Variants in KMT2B observed in about 807,000 individuals in gnomAD.
KMT2B encodes histone-lysine N-methyltransferase 2B.
KMT2B carries 22 observed loss-of-function variants against 255.3 expected under a neutral mutation model. The observed-to-expected ratio is 0.09, with a 90% confidence interval of 0.06 to 0.12. The LOEUF (loss-of-function observed/expected upper bound fraction) is 0.12, where lower values mean the gene tolerates loss of function less well. KMT2B is among the 10% of genes least tolerant of loss of function. The probability of loss-of-function intolerance (pLI) is 1.00; values close to 1 mark genes in which losing one functional copy is unlikely to be tolerated. For missense variants in KMT2B, 3,149 were observed against 3,737.0 expected (o/e 0.84, Z 4.10); for synonymous variants, 1,730 against 1,498.1 (o/e 1.15, Z -3.57).
In KMT2B at chr19:35,718,823, CTT is replaced by C. The variant is rs1438761513; in HGVS notation, c.363+443_363+444del. ...TGGTTTCTCCAGGGCCCCAGTTTCTCTTGGCATCTCAGGTAGAGTGGTGGAGG... is the reference window on the plus strand; with the variant it reads ...TGGTTTCTCCAGGGCCCCAGTTTCTCGGCATCTCAGGTAGAGTGGTGGAGG... On this transcript the variant is annotated intron_variant, in intron 1 of 36. Transcript: ENST00000420124. This position sits in a 1 kb window ranked among gnomAD's most constrained non-coding sequence, Gnocchi z 5.0. Among the ~76,000 whole-genome samples the C allele has an allele frequency of 2.6e-5, 4 of 152,150 alleles. No individual in the cohort carries two copies. The highest frequency in any genetic ancestry group is 2.6e-4 in the Admixed American group (4 of 15,266).
At chr19:35,722,820 CAG>C (rs1371606636) in intron 5 of KMT2B, 102 bp downstream of exon 5, 41 of 1,473,234 alleles carry the variant, frequency 2.8e-5, no homozygotes, top group East Asian at 2.1e-4. Flanking sequence ...GTCAGGTGCT[CAG>C]GGGTTAGGTG....
In KMT2B at chr19:35,733,053, G is replaced by A. The variant is rs1467899013; in HGVS notation, c.6504G>A (p.Gly2168=). 6 of 1,581,976 alleles carry A rather than the reference G, an allele frequency of 3.8e-6. No homozygotes were observed. In the African/African-American group the frequency reaches 6.7e-5, roughly 18 times the overall value. Residue 2168 remains glycine, a synonymous_variant, in exon 28 of 37, where the codon GGG becomes GGA. Coordinates refer to ENST00000420124, the MANE Select transcript of KMT2B (RefSeq NM_014727.3). The surrounding 1 kb of genome is among the most constrained non-coding windows in gnomAD (Gnocchi z 4.3). ...CCCGCACATTTGCCTGGCTCCCAGG[G>A]GCCCCAGGGGTCCGGGTGTTAAGCC... The part of the protein sequence containing the change: ...DPTRTFAWLP[G]APGVRVLSLG...
intron 5 of KMT2B, 123 bp from the exon 6 acceptor site, chr19:35,722,872 T>G: frequency 1.4e-6 from 2 of 1,415,588 alleles, no homozygotes; most frequent in Non-Finnish European, 1.9e-6. Flanking sequence ...GCAACTTCAT[T>G]TGGGGGCACC....
intron 30 of KMT2B, among the ~76,000 whole-genome samples, chr19:35,734,788 G>A (rs1396160103): frequency 6.6e-6 from 1 of 152,170 alleles, no homozygotes; most frequent in Non-Finnish European, 1.5e-5. Flanking sequence ...TGGTGGTCGA[G>A]CAGCCTGAGG....
rs764595621 is a variant in KMT2B at position 35,733,310 on chromosome 19, C to T, written c.6761C>T (p.Pro2254Leu). 7.0e-7 allele frequency: 1 copy of T among 1,426,640 alleles called. No individual in the cohort carries two copies. Among genetic ancestry groups the T allele is most frequent in the South Asian group, 1.2e-5 (1 of 81,426 alleles). The allele number at this position is 1,426,640 out of a possible 1,614,324, so 88.4% of individuals were successfully genotyped here. ...GTCGGAGTGGTCCGCCCTGCCCCGC[C>T]CCCGCCACCCCCTCCCCTGACGCTG... ...PVVGVVRPAP[P>L]PPPPPLTLVL... is the part of the protein sequence containing the mutation. The change falls in exon 28 of 37, where the codon CCC (proline) becomes CTC (leucine). Residue 2254 changes from proline (P) to leucine (L), a missense_variant. Coordinates refer to ENST00000420124, the MANE Select transcript of KMT2B (RefSeq NM_014727.3). The surrounding 1 kb of genome is among the most constrained non-coding windows in gnomAD (Gnocchi z 4.3).
chr19:35,718,173 G>T lies in KMT2B; in HGVS notation c.155G>T (p.Gly52Val). The part of the protein sequence containing the change: ...RVRVALRRGG[G>V]ATGPGGAEPG... ...CGGGTAGCTCTGCGGCGCGGCGGTG[G>T]CGCGACGGGGCCGGGCGGAGCCGAG... The change falls in exon 1 of 37, where the codon GGC (glycine) becomes GTC (valine). Residue 52 changes from glycine (G) to valine (V), a missense_variant. Coordinates refer to ENST00000420124, the MANE Select transcript of KMT2B (RefSeq NM_014727.3). The surrounding 1 kb of genome is among the most constrained non-coding windows in gnomAD (Gnocchi z 5.0). 1 of 1,097,166 alleles carries T rather than the reference G, an allele frequency of 9.1e-7. No individual in the cohort carries two copies. Among genetic ancestry groups the T allele is most frequent in the Non-Finnish European group, 1.1e-6 (1 of 902,824 alleles). 68.0% of individuals were successfully genotyped at this position (1,097,166 alleles called of 1,614,324 possible).
chr19:35,728,241 C>G, intron 19 of KMT2B, 70 bp downstream of exon 19: 4 of 1,374,992 alleles, frequency 2.9e-6, no homozygotes, highest in Non-Finnish European at 4.0e-6. Context: ...AGGGGCCACG[C>G]TGGGCTGAGA....
In KMT2B at chr19:35,738,714, C is replaced by T. The variant is rs1970018548; in HGVS notation, c.*157C>T. 1.3e-6 allele frequency: 1 copy of T among 782,716 alleles called. No homozygotes were observed. Among genetic ancestry groups the T allele is most frequent in the Non-Finnish European group, 2.0e-6 (1 of 501,432 alleles). 48.5% of individuals were successfully genotyped at this position (782,716 alleles called of 1,614,324 possible). A position where few individuals can be genotyped will look rare whatever the true frequency, so the allele number is the denominator to read the frequency against. On this transcript the variant is annotated 3_prime_UTR_variant, in exon 37 of 37. Transcript: ENST00000420124. The surrounding 1 kb of genome is among the most constrained non-coding windows in gnomAD (Gnocchi z 8.7). ...ATGCAGGTGACAAGGGCCCTGCCTC[C>T]ACCCCTCCAGCCCATCCAGCAATCG...
rs1433354134 is a variant in KMT2B at position 35,733,098 on chromosome 19, C to T, written c.6549C>T (p.Pro2183=). Residue 2183 remains proline, a synonymous_variant, in exon 28 of 37, where the codon CCC becomes CCT. Transcript: ENST00000420124. This position sits in a 1 kb window ranked among gnomAD's most constrained non-coding sequence, Gnocchi z 4.3. ...RVLSLGPAPE[P]PKPATSKIIL... ...TAAGCCTTGGCCCTGCCCCTGAGCC[C>T]CCCAAACCCGCCACATCCAAAATCA... 1 of 1,568,284 alleles carries T rather than the reference C, an allele frequency of 6.4e-7. No homozygotes were observed. The highest frequency in any genetic ancestry group is 1.2e-5 in the South Asian group (1 of 85,502).
At position 35,730,497 on chromosome 19, in the gene KMT2B, C is replaced by G. The variant is rs368763121; in HGVS notation, c.5197+35C>G. 2.5e-6 allele frequency: 4 copies of G among 1,613,878 alleles called. No homozygotes were observed. In the Admixed American group the frequency reaches 6.7e-5, roughly 27 times the overall value. Reference sequence around the variant, plus strand: ...CTGCTCTCCGCCCTGTCCTCCTACCCTGTCCTGCCTGCCTCTCCTGACCTC... The same window carrying G: ...CTGCTCTCCGCCCTGTCCTCCTACCGTGTCCTGCCTGCCTCTCCTGACCTC... On this transcript the variant is annotated intron_variant, in intron 24 of 36. Coordinates refer to ENST00000420124, the MANE Select transcript of KMT2B (RefSeq NM_014727.3).
rs769266344 is a variant in KMT2B, at chr19:35,727,943, G to A, written c.4455G>A (p.Pro1485=). 8.8e-6 allele frequency: 14 copies of A among 1,590,522 alleles called. No individual in the cohort carries two copies. The highest frequency in any genetic ancestry group is 5.2e-5 in the Admixed American group (3 of 57,366). Reference sequence around the variant, plus strand: ...GGCACTCGGAGGAGGGAGAGACCCCGGACCGCCGGGCTGGAGGCCAGATGA... The same window carrying A: ...GGCACTCGGAGGAGGGAGAGACCCCAGACCGCCGGGCTGGAGGCCAGATGA... The part of the protein sequence containing the change: ...LMRHSEEGET[P]DRRAGGQMKG... Residue 1485 remains proline (P), a synonymous_variant, in exon 18 of 37, where the codon CCG becomes CCA. Transcript: ENST00000420124. This position sits in a 1 kb window ranked among gnomAD's most constrained non-coding sequence, Gnocchi z 4.2.
chr19:35,719,565 T>C (rs1355606510), intron 2 of KMT2B, 24 bp downstream of exon 2: 4 of 1,573,546 alleles, frequency 2.5e-6, no homozygotes, highest in Admixed American at 3.7e-5. Flanking sequence ...GAACTCCACC[T>C]CTTTAGCGTC....
chr19:35,729,879 A>G, intron 22 of KMT2B, 88 bp from the exon 23 acceptor site: 1 of 1,357,138 alleles, frequency 7.4e-7, no homozygotes, highest in Non-Finnish European at 1.0e-6. Flanking sequence ...GCCAGGCTAG[A>G]CAGGGACCCA....
intron 30 of KMT2B, among the ~76,000 whole-genome samples, 154 bp downstream of exon 30, chr19:35,734,026 C>T (rs953079977): frequency 2.6e-5 from 4 of 152,162 alleles, no homozygotes; most frequent in Non-Finnish European, 5.9e-5. Context: ...CTTGGGGAGC[C>T]TCTGGCCTTG....
At position 35,723,920 on chromosome 19, in the gene KMT2B, C is replaced by A; in HGVS notation, c.3247C>A (p.Arg1083=). ...RKSARRCVKQ[R]PSYDIFEDSD... ...GTCAGCTCGGCGCTGCGTCAAACAG[C>A]GACCCTCCTATGATATCTTCGAGGA... Residue 1083 remains arginine (R), a synonymous_variant, in exon 8 of 37, where the codon CGA becomes AGA. Coordinates refer to ENST00000420124, the MANE Select transcript of KMT2B (RefSeq NM_014727.3). This position sits in a 1 kb window ranked among gnomAD's most constrained non-coding sequence, Gnocchi z 7.5. 1 of 1,612,190 alleles carries A rather than the reference C, an allele frequency of 6.2e-7. No homozygotes were observed. The highest frequency in any genetic ancestry group is 2.2e-5 in the East Asian group (1 of 44,870).
At position 35,730,150 on chromosome 19, in the gene KMT2B, G is replaced by A. The variant is rs2242520; in HGVS notation, c.5076+25G>A. 0.2 allele frequency: 329,896 copies of A among 1,611,918 alleles called. 39,929 individuals are homozygous for A. The highest frequency in any genetic ancestry group is 0.51 in the East Asian group (22,659 of 44,788). Reference sequence around the variant, plus strand: ...GGTGGGCCAGAACTGTGGGGTACACGGTTCCTTCCCCACCTCTCTTCCTGT... The same window carrying A: ...GGTGGGCCAGAACTGTGGGGTACACAGTTCCTTCCCCACCTCTCTTCCTGT... On this transcript the variant is annotated intron_variant, in intron 23 of 36. Coordinates refer to ENST00000420124, the MANE Select transcript of KMT2B (RefSeq NM_014727.3).
rs1969740621 is a variant in KMT2B, at chr19:35,732,405, A to G, written c.5856A>G (p.Thr1952=). The change falls in exon 28 of 37, where the codon ACA becomes ACG. Residue 1952 remains threonine (T), a synonymous_variant. Coordinates refer to ENST00000420124, the MANE Select transcript of KMT2B (RefSeq NM_014727.3). ...CTACCTCAGTCGTCACAGCCCTCACACCTACCTCAGGGGAGCTGGCTCCCC... is the reference window on the plus strand; with the variant it reads ...CTACCTCAGTCGTCACAGCCCTCACGCCTACCTCAGGGGAGCTGGCTCCCC... ...PPPTSVVTAL[T]PTSGELAPPG... is the part of the protein sequence containing the mutation. 1 of 1,612,644 alleles carries G rather than the reference A, an allele frequency of 6.2e-7. No homozygotes were observed.
At chr19:35,732,159 T>TG in intron 27 of KMT2B, 24 bp downstream of exon 27, 1 of 1,574,074 alleles carries the variant, frequency 6.4e-7, no homozygotes, top group South Asian at 1.2e-5. Flanking sequence ...ATGTGGGGGT[T>TG]GGGGGTGGAG....
In KMT2B at chr19:35,737,557, A is replaced by G. The variant is rs1171009593; in HGVS notation, c.7551-79A>G. On this transcript the variant is annotated intron_variant, in intron 33 of 36. Transcript: ENST00000420124. This position sits in a 1 kb window ranked among gnomAD's most constrained non-coding sequence, Gnocchi z 5.3. ...AAAAGTTATTTCTAGAGCTGACATC[A>G]GAAAAATGAACCCCACCCATTTCCC... The G allele has an allele frequency of 1.0e-6, 1 of 977,766 alleles. No individual in the cohort carries two copies. 60.6% of individuals were successfully genotyped at this position (977,766 alleles called of 1,614,324 possible). A position where few individuals can be genotyped will look rare whatever the true frequency, so the allele number is the denominator to read the frequency against.
Sources: allele counts gnomAD v4.1 joint callset (sites outside exome capture counted in the v4.1 genomes callset), GRCh38; gene constraint gnomAD v4.1.1; non-coding constraint Gnocchi (gnomAD v3.1); transcripts MANE v1.5; gene names NCBI Gene and HGNC (gene_info 2026-07-23, HGNC 2026-07-21).